Variants in CHD8 observed in about 807,000 individuals in gnomAD.
CHD8 encodes chromodomain helicase DNA binding protein 8, also known as ATP-dependent chromatin remodeler CHD8.
A neutral mutation model predicts 279.2 loss-of-function variants in CHD8; 31 were observed. The observed-to-expected ratio is 0.11, with a 90% CI of 0.08 to 0.15. The LOEUF (loss-of-function observed/expected upper bound fraction) is 0.15, where lower values mean the gene tolerates loss of function less well. CHD8 is among the 10% of genes least tolerant of loss of function. The probability of loss-of-function intolerance (pLI) is 1.00; values close to 1 mark genes in which losing one functional copy is unlikely to be tolerated. For missense variants in CHD8, 2,146 were observed against 3,230.5 expected, an observed-to-expected ratio of 0.66 and a Z score of 8.14; for synonymous variants, 1,081 against 1,139.6, an observed-to-expected ratio of 0.95 and a Z score of 1.04.
Position 21,405,811 on chromosome 14 carries a change from C to T in CHD8, c.2961G>A (p.Leu987=). 4.3e-6 allele frequency: 7 copies of T among 1,613,878 alleles called. No homozygotes were observed. Among genetic ancestry groups the T allele is most frequent in the Non-Finnish European group, 5.9e-6 (7 of 1,179,770 alleles). Residue 987 remains leucine (L), a synonymous_variant, in exon 15 of 38, where the codon CTG becomes CTA. Transcript: ENST00000646647. This position sits in a 1 kb window ranked among gnomAD's most constrained non-coding sequence, Gnocchi z 4.2. Reference sequence around the variant, plus strand: ...GTTCCAAGAAATGAAGCAAGCTAAACAGTTCTTCTACAGTATTTTGCAATG... The same window carrying T: ...GTTCCAAGAAATGAAGCAAGCTAAATAGTTCTTCTACAGTATTTTGCAATG... ...GTPLQNTVEE[L]FSLLHFLEPS... is the part of the protein sequence containing the mutation.
intron 5 of CHD8, chr14:21,419,897 G>C (rs1266151991): frequency 6.4e-6 from 2 of 311,804 alleles, no homozygotes; most frequent in African/African-American, 4.6e-5. Context: ...AGGGCCACCT[G>C]TGCAATGGCC....
intron 4 of CHD8, 41 bp from the exon 5 acceptor site, chr14:21,426,283 G>T: frequency 2.0e-6 from 2 of 1,003,614 alleles, no homozygotes; most frequent in Non-Finnish European, 3.0e-6. Context: ...TGAAAGCAAA[G>T]AAAATTTAGG....
chr14:21,417,316 T>C (rs575045055), intron 5 of CHD8, among the ~76,000 whole-genome samples: 3 of 152,264 alleles, frequency 2.0e-5, no homozygotes, highest in South Asian at 4.1e-4. Flanking sequence ...CTCTGGAGCA[T>C]TACTTGTGGG....
intron 1 of CHD8, chr14:21,437,320 C>T: frequency 4.6e-6 from 5 of 1,090,502 alleles, no homozygotes; most frequent in Non-Finnish European, 5.7e-6. Flanking sequence ...AAGCGCACTG[C>T]CACTCACCAA....
In CHD8 at chr14:21,401,984, A is replaced by G; in HGVS notation, c.4035T>C (p.Ser1345=). Residue 1345 remains serine (S), a synonymous_variant, in exon 20 of 38, where the codon TCT becomes TCC. Transcript: ENST00000646647. ...LRRTTTITIE[S]EGKGSTFAKA... ...TAGCAAAGGTGGAACCTTTTCCTTC[A>G]GATTCAATGGTGATGGTTGTAGTTC... The G allele has an allele frequency of 1.2e-6, 2 of 1,612,976 alleles. No homozygotes were observed. The highest frequency in any genetic ancestry group is 1.1e-5 in the South Asian group (1 of 90,806).
At chr14:21,430,724 T>G (rs1215061394) in intron 2 of CHD8, 77 bp downstream of exon 2, 2 of 869,768 alleles carry the variant, frequency 2.3e-6, no homozygotes, top group African/African-American at 3.4e-5. Flanking sequence ...GAGAAAGCTC[T>G]CATGTGCTCA....
intron 25 of CHD8, 42 bp downstream of exon 25, chr14:21,399,939 A>G (rs1346754138): frequency 4.0e-6 from 6 of 1,490,522 alleles, no homozygotes; most frequent in South Asian, 1.1e-5. Flanking sequence ...CTTCCCTCAA[A>G]TAAGGTAGGG....
At chr14:21,399,907 A>G (rs900996182) in intron 25 of CHD8, 74 bp downstream of exon 25, 10 of 1,285,740 alleles carry the variant, frequency 7.8e-6, no homozygotes, top group African/African-American at 2.9e-5. Context: ...AAGATAGCAT[A>G]AAATGAAATA....
chr14:21,394,917 T>C lies in CHD8; in HGVS notation c.5385A>G (p.Gln1795=), dbSNP rs1416826565. The change falls in exon 30 of 38, where the codon CAA becomes CAG. Residue 1795 remains glutamine, a synonymous_variant. Coordinates refer to ENST00000646647, the MANE Select transcript of CHD8 (RefSeq NM_001170629.2). ...KLKEIARREK[Q]QRWTRREQTD... The stretch of plus-strand genomic sequence containing the variant: ...AGTTCCCAGCTATATTTTACCGTTG[T>C]TGTTTCTCCCGCCGTGCAATTTCTT... 2 of 1,613,728 alleles carry C rather than the reference T, an allele frequency of 1.2e-6. No individual in the cohort carries two copies. Among genetic ancestry groups the C allele is most frequent in the Admixed American group, 3.3e-5 (2 of 60,012 alleles).
intron 1 of CHD8, among the ~76,000 whole-genome samples, chr14:21,440,343 A>G (rs1208385222): frequency 6.6e-6 from 1 of 151,964 alleles, no homozygotes; most frequent in East Asian, 1.9e-4. Context: ...GGTAGCTGGG[A>G]TTACAGGCGT....
intron 1 of CHD8, among the ~76,000 whole-genome samples, chr14:21,449,377 T>C (rs894090747): frequency 6.6e-6 from 1 of 152,184 alleles, no homozygotes; most frequent in South Asian, 2.1e-4. Flanking sequence ...TGGCACATAG[T>C]AGGCAAATAA....
At chr14:21,430,468 T>C (rs1201925693) in intron 2 of CHD8, 4 of 218,252 alleles carry the variant, frequency 1.8e-5, no homozygotes, top group African/African-American at 9.0e-5. Flanking sequence ...ATACTTCTCA[T>C]AAAACTTTGT....
chr14:21,420,779 T>G (rs1223779819), intron 5 of CHD8, among the ~76,000 whole-genome samples: 1 of 152,044 alleles, frequency 6.6e-6, no homozygotes, highest in African/African-American at 2.4e-5. Flanking sequence ...TTTTTTTTTT[T>G]GAAACGGAGT....
chr14:21,415,026 C>T, intron 7 of CHD8, 33 bp from the exon 8 acceptor site: 4 of 1,418,870 alleles, frequency 2.8e-6, no homozygotes, highest in Non-Finnish European at 3.9e-6. Flanking sequence ...GTCACTAGTC[C>T]CTTATTTGTA....
At chr14:21,453,921 C>T (rs561502504) in intron 1 of CHD8, among the ~76,000 whole-genome samples, 146 of 151,370 alleles carry the variant, frequency 9.6e-4, no homozygotes, top group Non-Finnish European at 1.3e-3. Context: ...TTCGGGAGGC[C>T]GAGGCGGGAG....
Position 21,391,077 on chromosome 14 carries a change from A to T in CHD8, c.7066-14T>A, listed in dbSNP as rs1489305121. On this transcript the variant is annotated splice_polypyrimidine_tract_variant and intron_variant, in intron 36 of 37. Coordinates refer to ENST00000646647, the MANE Select transcript of CHD8 (RefSeq NM_001170629.2). ...ATCCTCCATATACTGCAATAGAAAAAATCAGTTATCCTAGAGGAATAGAAA... is the reference window on the plus strand; with the variant it reads ...ATCCTCCATATACTGCAATAGAAAATATCAGTTATCCTAGAGGAATAGAAA... The T allele has an allele frequency of 6.8e-7, 1 of 1,462,548 alleles. No homozygotes were observed. The highest frequency in any genetic ancestry group is 1.2e-5 in the South Asian group (1 of 83,068). The allele number at this position is 1,462,548 out of a possible 1,614,324, so 90.6% of individuals were successfully genotyped here.
rs1888209420 is a variant in CHD8 at position 21,405,193 on chromosome 14, C to T, written c.3307+16G>A. On this transcript the variant is annotated intron_variant, in intron 16 of 37. Coordinates refer to ENST00000646647, the MANE Select transcript of CHD8 (RefSeq NM_001170629.2). The surrounding 1 kb of genome is among the most constrained non-coding windows in gnomAD (Gnocchi z 4.2). ...GGTACTACAGAAGTTCAGGTATATACCAAGCATTCCCTCACCATTGATGAG... is the reference window on the plus strand; with the variant it reads ...GGTACTACAGAAGTTCAGGTATATATCAAGCATTCCCTCACCATTGATGAG... 1 of 1,612,612 alleles carries T rather than the reference C, an allele frequency of 6.2e-7. No homozygotes were observed. Among genetic ancestry groups the T allele is most frequent in the East Asian group, 2.2e-5 (1 of 44,856 alleles).
At chr14:21,393,008 A>G in intron 33 of CHD8, 98 bp downstream of exon 33, 1 of 1,389,656 alleles carries the variant, frequency 7.2e-7, no homozygotes, top group Non-Finnish European at 9.7e-7. Context: ...AATAAACACA[A>G]TTTTAAAAAT....
intron 1 of CHD8, 135 bp from the exon 2 acceptor site, chr14:21,431,993 G>C: frequency 1.6e-6 from 1 of 631,262 alleles, no homozygotes; most frequent in Non-Finnish European, 2.8e-6. Context: ...ATCTGAGGAC[G>C]GACATACAGC....
Sources: allele counts gnomAD v4.1 joint callset (sites outside exome capture counted in the v4.1 genomes callset), GRCh38; gene constraint gnomAD v4.1.1; non-coding constraint Gnocchi (gnomAD v3.1); transcripts MANE v1.5; gene names NCBI Gene and HGNC (gene_info 2026-07-23, HGNC 2026-07-21).